GABRB1: variants seen among roughly 807,000 people sequenced by gnomAD.
GABRB1 encodes the protein gamma-aminobutyric acid receptor subunit beta-1.
GABRB1 carries 17 observed loss-of-function variants against 51.6 expected under a neutral mutation model. The observed-to-expected ratio is 0.33, with a 90% CI of 0.23 to 0.49. The LOEUF (loss-of-function observed/expected upper bound fraction) is 0.49, where lower values mean the gene tolerates loss of function less well. GABRB1 is among the 20% of genes least tolerant of loss of function. The probability of loss-of-function intolerance (pLI) is 0.99; values close to 1 mark genes in which losing one functional copy is unlikely to be tolerated. For synonymous variants in GABRB1, 247 were observed against 218.9 expected (o/e 1.13, Z -1.14); for missense variants, 410 against 600.6 (o/e 0.68, Z 3.32).
intron 4 of GABRB1, among the ~76,000 whole-genome samples, chr4:47,306,493 A>G (rs1724475745): frequency 6.6e-6 from 1 of 151,862 alleles, no homozygotes; most frequent in Non-Finnish European, 1.5e-5. Flanking sequence ...AGAAAAAGGA[A>G]GAAAGGAACC....
At chr4:47,250,103 A>G (rs796406749) in intron 4 of GABRB1, among the ~76,000 whole-genome samples, 14 of 152,222 alleles carry the variant, frequency 9.2e-5, no homozygotes, top group African/African-American at 2.9e-4. Flanking sequence ...GATTTGTTTC[A>G]AGATTTAGAG....
At chr4:47,064,585 T>A (rs1240149995) in intron 3 of GABRB1, among the ~76,000 whole-genome samples, 1 of 128,674 alleles carries the variant, frequency 7.8e-6, no homozygotes, top group East Asian at 2.2e-4. Context: ...TTGCAGTGAG[T>A]CAAGATCGCG....
intron 1 of GABRB1, among the ~76,000 whole-genome samples, chr4:47,023,697 G>T (rs964490929): frequency 6.6e-6 from 1 of 151,862 alleles, no homozygotes; most frequent in African/African-American, 2.4e-5. Context: ...TTATAAATGT[G>T]GGATTTCACA....
intron 4 of GABRB1, among the ~76,000 whole-genome samples, chr4:47,190,064 G>C (rs1273268172): frequency 6.6e-6 from 1 of 151,850 alleles, no homozygotes; most frequent in Non-Finnish European, 1.5e-5. Context: ...TTCTCTAGCA[G>C]GTTAAAAACC....
chr4:47,059,420 T>C (rs1242463610), intron 3 of GABRB1, among the ~76,000 whole-genome samples: 2 of 152,134 alleles, frequency 1.3e-5, no homozygotes, highest in Non-Finnish European at 2.9e-5. Flanking sequence ...AGTCCTTCCA[T>C]TTCACCCTAC....
chr4:47,027,514 A>G (rs2109459419), upstream of GABRB1, among the ~76,000 whole-genome samples: 1 of 151,798 alleles, frequency 6.6e-6, no homozygotes. Flanking sequence ...AGTATATTAA[A>G]TAGCTGGCTA....
At chr4:47,039,359 C>CAAAAAAAAAAAAAA (rs10603411) in intron 3 of GABRB1, among the ~76,000 whole-genome samples, 1 of 65,504 alleles carries the variant, frequency 1.5e-5, no homozygotes, top group Non-Finnish European at 3.7e-5. Context: ...AAAGAAAATA[C>CAAAAAAAAAAAAAA]AAAAAAAAAA....
At chr4:47,098,182 A>G (rs965708704) in intron 3 of GABRB1, among the ~76,000 whole-genome samples, 1 of 131,050 alleles carries the variant, frequency 7.6e-6, no homozygotes, top group East Asian at 1.9e-4. Flanking sequence ...ACACACACAC[A>G]CACACACATG....
intron 4 of GABRB1, among the ~76,000 whole-genome samples, chr4:47,294,323 A>T (rs1723875324): frequency 1.3e-5 from 2 of 152,258 alleles, no homozygotes. Flanking sequence ...CTCGGAAAGC[A>T]CAAGGGGTCA....
intron 5 of GABRB1, among the ~76,000 whole-genome samples, chr4:47,357,062 T>G (rs1443392225): frequency 1.3e-5 from 2 of 152,178 alleles, no homozygotes; most frequent in Non-Finnish European, 2.9e-5. Flanking sequence ...ACAAACCTCA[T>G]TTTTTCTAAT....
intron 3 of GABRB1, among the ~76,000 whole-genome samples, chr4:47,042,399 ATG>A (rs369030962): frequency 0.016 from 1,522 of 97,714 alleles, 8 homozygotes; most frequent in Non-Finnish European, 0.022. Flanking sequence ...GTGTACATGT[ATG>A]TGTATGTGTA....
At chr4:47,354,089 T>C (rs1014475340) in intron 5 of GABRB1, among the ~76,000 whole-genome samples, 1 of 152,158 alleles carries the variant, frequency 6.6e-6, no homozygotes, top group South Asian at 2.1e-4. Flanking sequence ...CTTCTCTCTT[T>C]TAGCCTAGTC....
intron 4 of GABRB1, among the ~76,000 whole-genome samples, chr4:47,243,441 G>C (rs966337404): frequency 3.3e-5 from 5 of 152,162 alleles, no homozygotes; most frequent in African/African-American, 1.2e-4. Flanking sequence ...TTGGTAGCTT[G>C]ATGGGAATGG....
At chr4:47,290,559 A>G (rs1228582432) in intron 4 of GABRB1, among the ~76,000 whole-genome samples, 2 of 152,190 alleles carry the variant, frequency 1.3e-5, no homozygotes, top group African/African-American at 4.8e-5. Flanking sequence ...TCAGAAGAAG[A>G]CAGAAAAATG....
chr4:47,255,150 C>T (rs141153237), intron 4 of GABRB1, among the ~76,000 whole-genome samples: 9 of 152,278 alleles, frequency 5.9e-5, no homozygotes, highest in South Asian at 2.1e-4. Context: ...AGTTCCAGTC[C>T]TGACTCTGCT....
intron 3 of GABRB1, among the ~76,000 whole-genome samples, chr4:47,118,772 A>G (rs13105212): frequency 0.9 from 136,628 of 152,112 alleles, 61,441 homozygotes; most frequent in South Asian, 0.93. Flanking sequence ...CCAGAAATAA[A>G]CATCAGAGTC....
chr4:47,283,523 C>A (rs1246077027), intron 4 of GABRB1, among the ~76,000 whole-genome samples: 1 of 150,624 alleles, frequency 6.6e-6, no homozygotes, highest in Non-Finnish European at 1.5e-5. Flanking sequence ...GTAGCTGGGA[C>A]TACAGGAGCC....
chr4:47,037,932 T>C (rs1342171556), intron 3 of GABRB1, among the ~76,000 whole-genome samples: 5 of 152,180 alleles, frequency 3.3e-5, no homozygotes, highest in Non-Finnish European at 7.3e-5. Flanking sequence ...GTCTCCAGGG[T>C]CTGGCTCCTA....
intron 4 of GABRB1, among the ~76,000 whole-genome samples, chr4:47,232,194 T>C (rs1721166154): frequency 6.6e-6 from 1 of 152,166 alleles, no homozygotes; most frequent in East Asian, 1.9e-4. Context: ...CTTTTCCCTA[T>C]CCTTCTGGTT....
Sources: gnomAD v4.1 joint callset for allele counts (sites outside exome capture counted in the v4.1 genomes callset) on GRCh38, gnomAD v4.1.1 for gene constraint, MANE v1.5 for transcripts, NCBI Gene and HGNC (gene_info 2026-07-23, HGNC 2026-07-21) for gene names.